SLC33A1: variants seen among roughly 807,000 people sequenced by gnomAD.
The protein encoded by SLC33A1 is solute carrier family 33 member 1.
SLC33A1 carries 20 observed loss-of-function variants against 50.0 expected under a neutral mutation model. That is an observed-to-expected ratio of 0.40 (90% CI 0.28 to 0.58). SLC33A1 has a LOEUF of 0.58. Among genes scored for constraint, SLC33A1 ranks in the 20% least tolerant of loss-of-function variants. The pLI, the probability that SLC33A1 is intolerant of heterozygous loss-of-function variation, is 0.44. For missense variants in SLC33A1, 476 were observed against 657.0 expected, an observed-to-expected ratio of 0.72 and a Z score of 3.01; for synonymous variants, 265 against 251.8, an observed-to-expected ratio of 1.05 and a Z score of -0.50.
intron 2 of SLC33A1, among the ~76,000 whole-genome samples, chr3:155,839,258 TGCCATTGCACTCCA>T (rs1409220689): frequency 2.2e-5 from 3 of 133,892 alleles, no homozygotes; most frequent in African/African-American, 8.1e-5. Context: ...GCCAAGATCA[TGCCATTGCACTCCA>T]GCCTGGGAAA....
At chr3:155,846,974 G>C (rs1753199866) in intron 1 of SLC33A1, among the ~76,000 whole-genome samples, 1 of 151,976 alleles carries the variant, frequency 6.6e-6, no homozygotes, top group Admixed American at 6.6e-5. Flanking sequence ...TTGGAAGTCA[G>C]AGGCAGGTGG....
intron 2 of SLC33A1, among the ~76,000 whole-genome samples, chr3:155,835,688 G>A (rs1421069312): frequency 6.6e-6 from 1 of 152,142 alleles, no homozygotes; most frequent in Non-Finnish European, 1.5e-5. Flanking sequence ...AGAAATTCAT[G>A]CCCTATATAA....
chr3:155,839,362 A>T (rs1292155061), intron 2 of SLC33A1, among the ~76,000 whole-genome samples: 1 of 121,314 alleles, frequency 8.2e-6, no homozygotes, highest in Non-Finnish European at 1.6e-5. Context: ...CAACAAAGCG[A>T]GACTCTGTCT....
At chr3:155,851,529 G>T (rs1440885553) in intron 1 of SLC33A1, among the ~76,000 whole-genome samples, 1 of 151,918 alleles carries the variant, frequency 6.6e-6, no homozygotes, top group Non-Finnish European at 1.5e-5. Flanking sequence ...GGGATAACAG[G>T]TGTGAGCCAC....
At chr3:155,848,414 G>A (rs1180346236) in intron 1 of SLC33A1, among the ~76,000 whole-genome samples, 1 of 152,156 alleles carries the variant, frequency 6.6e-6, no homozygotes, top group Non-Finnish European at 1.5e-5. Context: ...CGGGCATGGT[G>A]GCTCCCACCT....
rs1175679985 is a variant in SLC33A1, at chr3:155,825,709, A to AAT, written c.*2499_*2500dup. ...ACATAGAGAGAAAAATGTTCAATCT[A>AAT]ATATTAGCCAGTAAACATATGATGC... On this transcript the variant is annotated 3_prime_UTR_variant, in exon 6 of 6. Coordinates refer to ENST00000643144, the MANE Select transcript of SLC33A1 (RefSeq NM_004733.4). The AAT allele has an allele frequency of 6.6e-6, 1 of 152,220 alleles. No individual in the cohort carries two copies. Among genetic ancestry groups the AAT allele is most frequent in the Non-Finnish European group, 1.5e-5 (1 of 68,040 alleles). The allele number at this position is 152,220 out of a possible 1,614,324, so 9.4% of individuals were successfully genotyped here.
At chr3:155,840,345 C>A (rs1337103086) in intron 2 of SLC33A1, among the ~76,000 whole-genome samples, 1 of 151,830 alleles carries the variant, frequency 6.6e-6, no homozygotes, top group Non-Finnish European at 1.5e-5. Context: ...ACCTTGGCCT[C>A]CCAAAGTGCT....
chr3:155,825,103 A>G lies in SLC33A1; in HGVS notation c.*3107T>C, dbSNP rs1313972286. Reference sequence around the variant, plus strand: ...TTATTATTTTTTATTAGCTGGGCATAGTGCTGTGTGCCTGTAGTCCTAGCT... The same window carrying G: ...TTATTATTTTTTATTAGCTGGGCATGGTGCTGTGTGCCTGTAGTCCTAGCT... On this transcript the variant is annotated 3_prime_UTR_variant, in exon 6 of 6. Coordinates refer to ENST00000643144, the MANE Select transcript of SLC33A1 (RefSeq NM_004733.4). 6.6e-6 allele frequency: 1 copy of G among 152,026 alleles called. No individual in the cohort carries two copies. Among genetic ancestry groups the G allele is most frequent in the Non-Finnish European group, 1.5e-5 (1 of 68,014 alleles). The allele number at this position is 152,026 out of a possible 1,614,324, so 9.4% of individuals were successfully genotyped here. A position where few individuals can be genotyped will look rare whatever the true frequency, so the allele number is the denominator to read the frequency against.
chr3:155,833,522 C>T lies in SLC33A1; in HGVS notation c.1212G>A (p.Gly404=). The T allele has an allele frequency of 6.2e-7, 1 of 1,604,374 alleles. No individual in the cohort carries two copies. The highest frequency in any genetic ancestry group is 8.5e-7 in the Non-Finnish European group (1 of 1,171,358). Reference sequence around the variant, plus strand: ...CGATATAGTAATATATAGGGAATCCCCCTTGATGTTCTACTTTAGGAGTCC... The same window carrying T: ...CGATATAGTAATATATAGGGAATCCTCCTTGATGTTCTACTTTAGGAGTCC... ...VWWTPKVEHQ[G]GFPIYYYIVV... is the part of the protein sequence containing the mutation. The change falls in exon 4 of 6, where the codon GGG becomes GGA. Residue 404 remains glycine (G), a synonymous_variant. Transcript: ENST00000643144.
chr3:155,836,157 G>A (rs569419235), intron 2 of SLC33A1, among the ~76,000 whole-genome samples: 19 of 150,766 alleles, frequency 1.3e-4, no homozygotes, highest in African/African-American at 2.9e-4. Context: ...GGTGGTATAC[G>A]CCTGTAGTCC....
chr3:155,838,405 G>A (rs77236372), intron 2 of SLC33A1, among the ~76,000 whole-genome samples: 31,210 of 151,824 alleles, frequency 0.21, 3,764 homozygotes, highest in South Asian at 0.4. Context: ...GGTGGGTCAG[G>A]CGTGGTGGCT....
chr3:155,839,760 C>T (rs1249885245), intron 2 of SLC33A1, among the ~76,000 whole-genome samples: 3 of 151,976 alleles, frequency 2.0e-5, no homozygotes, highest in Non-Finnish European at 2.9e-5. Flanking sequence ...CCAGCCTGGC[C>T]GACATAGTGA....
At chr3:155,849,324 A>G (rs1753305854) in intron 1 of SLC33A1, among the ~76,000 whole-genome samples, 1 of 152,186 alleles carries the variant, frequency 6.6e-6, no homozygotes. Context: ...CTAAGCAATT[A>G]TATTTCCATC....
At chr3:155,839,761 G>A (rs562722921) in intron 2 of SLC33A1, among the ~76,000 whole-genome samples, 13 of 151,942 alleles carry the variant, frequency 8.6e-5, no homozygotes, top group Admixed American at 5.9e-4. Context: ...CAGCCTGGCC[G>A]ACATAGTGAA....
chr3:155,838,964 C>A (rs1216753287), intron 2 of SLC33A1, among the ~76,000 whole-genome samples: 33 of 151,494 alleles, frequency 2.2e-4, no homozygotes, highest in Admixed American at 2.2e-3. Context: ...ACCAGCCTGG[C>A]CAACATGGTG....
At chr3:155,850,365 A>C (rs1350997528) in intron 1 of SLC33A1, among the ~76,000 whole-genome samples, 1 of 152,058 alleles carries the variant, frequency 6.6e-6, no homozygotes, top group Non-Finnish European at 1.5e-5. Flanking sequence ...TGTTTATATC[A>C]CCACAGAGGA....
intron 4 of SLC33A1, among the ~76,000 whole-genome samples, chr3:155,832,720 T>C (rs566127324): frequency 2.1e-5 from 2 of 93,346 alleles, no homozygotes; most frequent in East Asian, 2.8e-4. Flanking sequence ...CCAGACTCTG[T>C]CTCAAAAAAA....
intron 2 of SLC33A1, among the ~76,000 whole-genome samples, chr3:155,836,841 G>A (rs904590511): frequency 2.6e-5 from 4 of 152,216 alleles, no homozygotes; most frequent in Admixed American, 2.6e-4. Context: ...GCAATGAGCT[G>A]TGATGGTGCC....
intron 1 of SLC33A1, among the ~76,000 whole-genome samples, chr3:155,844,380 T>C (rs556681677): frequency 2.1e-5 from 3 of 145,664 alleles, no homozygotes; most frequent in East Asian, 4.1e-4. Flanking sequence ...CCTCCTGAAG[T>C]TGAGTCTTAC....
Sources: gnomAD v4.1 joint callset for allele counts (sites outside exome capture counted in the v4.1 genomes callset) on GRCh38, gnomAD v4.1.1 for gene constraint, MANE v1.5 for transcripts, NCBI Gene and HGNC (gene_info 2026-07-23, HGNC 2026-07-21) for gene names.